Variants in PALM2AKAP2 observed in about 807,000 individuals in gnomAD.
The protein encoded by PALM2AKAP2 is PALM2-AKAP2 fusion protein.
A neutral mutation model predicts 71.5 loss-of-function variants in PALM2AKAP2; 37 were observed. That is an observed-to-expected ratio of 0.52 (90% CI 0.40 to 0.68). The LOEUF (loss-of-function observed/expected upper bound fraction) is 0.68. Among genes scored for constraint, PALM2AKAP2 ranks in the 30% least tolerant of loss-of-function variants. The probability of loss-of-function intolerance (pLI) is 0.00; values close to 1 mark genes in which losing one functional copy is unlikely to be tolerated. For missense variants in PALM2AKAP2, 1,224 were observed against 1,191.8 expected (o/e 1.03, Z -0.40); for synonymous variants, 468 against 478.8 (o/e 0.98, Z 0.29).
chr9:109,966,288 A>C (rs1252863324), intron 6 of PALM2AKAP2, among the ~76,000 whole-genome samples: 1 of 152,192 alleles, frequency 6.6e-6, no homozygotes, highest in African/African-American at 2.4e-5. Context: ...TGGCTGTGCA[A>C]AAGAAAAGGG....
At chr9:110,165,702 A>G (rs576119119) in intron 3 of PALM2AKAP2, among the ~76,000 whole-genome samples, 2 of 152,322 alleles carry the variant, frequency 1.3e-5, no homozygotes, top group Non-Finnish European at 2.9e-5. Context: ...AAACGTTTCC[A>G]TAATTATGAG....
chr9:109,871,498 T>A (rs1321113630), intron 2 of PALM2AKAP2, among the ~76,000 whole-genome samples: 2 of 152,150 alleles, frequency 1.3e-5, no homozygotes, highest in African/African-American at 4.8e-5. Flanking sequence ...AAGGAAAGAA[T>A]GTATAATCAT....
chr9:110,107,521 T>C (rs1259072876), intron 1 of PALM2AKAP2, among the ~76,000 whole-genome samples: 1 of 152,252 alleles, frequency 6.6e-6, no homozygotes, highest in African/African-American at 2.4e-5. Flanking sequence ...GGTCATAATA[T>C]GATTACATTG....
chr9:110,136,195 C>G (rs751289046), exon 2 of PALM2AKAP2: 2 of 1,613,646 alleles, frequency 1.2e-6, no homozygotes, highest in East Asian at 2.2e-5. Context: ...GTGCCACCCT[C>G]CTGGAGCCTG....
At chr9:110,137,791 G>T (rs778060998) in exon 2 of PALM2AKAP2, 1 of 1,614,038 alleles carries the variant, frequency 6.2e-7, no homozygotes, top group Admixed American at 1.7e-5. Flanking sequence ...AAAATTCACT[G>T]GCTGATTTTT....
At chr9:109,694,984 G>A (rs910652749) in intron 1 of PALM2AKAP2, among the ~76,000 whole-genome samples, 5 of 151,992 alleles carry the variant, frequency 3.3e-5, no homozygotes, top group African/African-American at 9.7e-5. Flanking sequence ...GGAAAAAAAA[G>A]TATTTTAAAA....
chr9:109,704,837 C>T (rs1189545050), intron 1 of PALM2AKAP2, among the ~76,000 whole-genome samples: 1 of 152,210 alleles, frequency 6.6e-6, no homozygotes, highest in Non-Finnish European at 1.5e-5. Context: ...GACACATCTT[C>T]TCTCCATTTC....
intron 1 of PALM2AKAP2, among the ~76,000 whole-genome samples, chr9:109,682,677 A>G (rs1273777166): frequency 1.3e-5 from 2 of 152,192 alleles, no homozygotes; most frequent in East Asian, 1.9e-4. Flanking sequence ...ATGTTGCACA[A>G]TAACATTTTT....
chr9:110,115,969 G>A (rs1835353229), intron 1 of PALM2AKAP2, among the ~76,000 whole-genome samples: 3 of 152,152 alleles, frequency 2.0e-5, no homozygotes, highest in African/African-American at 4.8e-5. Context: ...CATTGTCTTG[G>A]AGAAGTGAAG....
At chr9:109,934,808 C>G (rs1378624484) in intron 6 of PALM2AKAP2, among the ~76,000 whole-genome samples, 1 of 152,126 alleles carries the variant, frequency 6.6e-6, no homozygotes. Context: ...AGTCTGTTTC[C>G]CCTAGCTATA....
Position 109,643,008 on chromosome 9 carries a change from C to T in PALM2AKAP2, c.5+2142C>T, listed in dbSNP as rs1435542197. ...CACTGCACTGGGTGACAGAGCAAAA[C>T]CTCATCTCAAAAAAAGAAAGAAAGG... On this transcript the variant is annotated intron_variant, in intron 1 of 6. Transcript: ENST00000374531. Among the ~76,000 whole-genome samples the T allele has an allele frequency of 2.0e-5, 3 of 147,736 alleles. No homozygotes were observed. The East Asian group carries it at 5.9e-4, about 29-fold the overall frequency.
intron 1 of PALM2AKAP2, among the ~76,000 whole-genome samples, chr9:109,669,251 GT>G (rs992156423): frequency 6.4e-5 from 9 of 140,980 alleles, no homozygotes; most frequent in African/African-American, 1.4e-4. Flanking sequence ...TCCTGAAAGT[GT>G]TTTTTTTGTT....
Position 109,926,128 on chromosome 9 carries a change from G to A in PALM2AKAP2, c.394+1046G>A, listed in dbSNP as rs1412138949. ...GGAAGATGATCAGGAGCCAGGATAA[G>A]AATTGGCATCAGTGTTTTCCCAGCG... is the stretch of plus-strand genomic sequence containing the variant. On this transcript the variant is annotated intron_variant, in intron 5 of 9. Coordinates refer to the PALM2AKAP2 transcript ENST00000302798. Among the ~76,000 whole-genome samples the A allele has an allele frequency of 4.6e-5, 7 of 152,210 alleles. No homozygotes were observed. In the East Asian group the frequency reaches 1.2e-3, roughly 25 times the overall value.
At chr9:109,798,434 A>G (rs1827326029) in intron 1 of PALM2AKAP2, among the ~76,000 whole-genome samples, 1 of 152,222 alleles carries the variant, frequency 6.6e-6, no homozygotes, top group South Asian at 2.1e-4. Flanking sequence ...GGGCCTGTAA[A>G]CAATGGGTGC....
At chr9:110,167,356 G>C (rs1005505288) in intron 3 of PALM2AKAP2, among the ~76,000 whole-genome samples, 12 of 152,214 alleles carry the variant, frequency 7.9e-5, no homozygotes, top group African/African-American at 2.7e-4. Context: ...ATCAGAAACT[G>C]TACATCCTAA....
intron 1 of PALM2AKAP2, among the ~76,000 whole-genome samples, chr9:110,105,187 C>G (rs1288215552): frequency 6.6e-6 from 1 of 152,166 alleles, no homozygotes; most frequent in Non-Finnish European, 1.5e-5. Context: ...AAATCAGAAG[C>G]TCAAACGCAT....
At chr9:109,887,307 A>C (rs1213009593) in intron 3 of PALM2AKAP2, among the ~76,000 whole-genome samples, 1 of 152,188 alleles carries the variant, frequency 6.6e-6, no homozygotes, top group Non-Finnish European at 1.5e-5. Flanking sequence ...CACATTTGCT[A>C]TTTTTAACTC....
At chr9:109,763,006 T>C (rs757710401) in intron 1 of PALM2AKAP2, among the ~76,000 whole-genome samples, 5 of 152,092 alleles carry the variant, frequency 3.3e-5, no homozygotes, top group Non-Finnish European at 5.9e-5. Context: ...CATGCCTATG[T>C]GGACAGAGAA....
chr9:110,073,633 G>T (rs143085583), intron 1 of PALM2AKAP2, among the ~76,000 whole-genome samples: 8 of 152,312 alleles, frequency 5.3e-5, no homozygotes, highest in African/African-American at 1.9e-4. Flanking sequence ...ATTAAAGGTT[G>T]CACATCTAAA....
Sources: gnomAD v4.1 joint callset for allele counts (sites outside exome capture counted in the v4.1 genomes callset) on GRCh38, gnomAD v4.1.1 for gene constraint, MANE v1.5 for transcripts, NCBI Gene and HGNC (gene_info 2026-07-23, HGNC 2026-07-21) for gene names.